The following TMEM134 variants were observed in gnomAD, a reference collection of about 807,000 sequenced individuals.
TMEM134 encodes transmembrane protein 134.
In TMEM134, 36 loss-of-function variants were observed where a neutral mutation model predicts 26.2. The observed-to-expected ratio is 1.37, with a 90% CI of 1.05 to 1.81. TMEM134 has a LOEUF of 1.81. TMEM134 is among the 40% of genes most tolerant of loss of function. The pLI, the probability that TMEM134 is intolerant of heterozygous loss-of-function variation, is 0.00. For synonymous variants in TMEM134, 133 were observed against 113.6 expected (o/e 1.17, Z -1.08); for missense variants, 339 against 263.5 (o/e 1.29, Z -1.98).
In TMEM134 at chr11:67,467,554, C is replaced by A. The variant is rs1292666152; in HGVS notation, c.276G>T (p.Trp92Cys). 31 of 1,614,018 alleles carry A rather than the reference C, an allele frequency of 1.9e-5. No homozygotes were observed. Among genetic ancestry groups the A allele is most frequent in the Non-Finnish European group, 2.6e-5 (31 of 1,180,004 alleles). Residue 92 changes from tryptophan to cysteine, a missense_variant, in exon 3 of 7, where the codon TGG (tryptophan) becomes TGT (cysteine). Coordinates refer to ENST00000308022, the MANE Select transcript of TMEM134 (RefSeq NM_025124.4). ...TGCTGCTGCTGATGGTGCTGAAGGACCACTGGGAGCTGCGGATGGAAGTTC... is the reference window on the plus strand; with the variant it reads ...TGCTGCTGCTGATGGTGCTGAAGGAACACTGGGAGCTGCGGATGGAAGTTC... ...SSRTSIRSSQ[W>C]SFSTISSSTQ...
chr11:67,466,545 C>G (rs1483184840), intron 4 of TMEM134: 2 of 153,094 alleles, frequency 1.3e-5, no homozygotes, highest in African/African-American at 4.8e-5. Flanking sequence ...GCCCCCTCCC[C>G]CACACTCAAA....
chr11:67,462,856 TAA>T lies in TMEM134; in HGVS notation c.*1756_*1757del, dbSNP rs1187273212. ...CTACAGGCGCCCCACCATGCCTGGC[TAA>T]GTTTTTGTATTTTTTGTAGAGATGG... On this transcript the variant is annotated 3_prime_UTR_variant, in exon 7 of 7. Transcript: ENST00000308022. The T allele has an allele frequency of 1.3e-5, 2 of 151,844 alleles. No homozygotes were observed. The highest frequency in any genetic ancestry group is 2.4e-5 in the African/African-American group (1 of 41,302). The allele number at this position is 151,844 out of a possible 1,614,324, so 9.4% of individuals were successfully genotyped here.
In TMEM134 at chr11:67,467,339, A is replaced by C. The variant is rs143314931; in HGVS notation, c.379T>G (p.Ser127Ala). Residue 127 changes from serine (S) to alanine (A), a missense_variant, in exon 4 of 7, where the codon TCC becomes GCC. Physicochemically the swap from Ser to Ala is moderately conservative, Grantham distance 99. Coordinates refer to ENST00000308022, the MANE Select transcript of TMEM134 (RefSeq NM_025124.4). ...AGCCCCAGCAGCAGGAGCAGGAAGGAGGCCAGCACCACTCGGCGGTTCTTC... is the reference window on the plus strand; with the variant it reads ...AGCCCCAGCAGCAGGAGCAGGAAGGCGGCCAGCACCACTCGGCGGTTCTTC... Reference protein sequence around the residue: ...IQKNRRVVLASFLLLLLGLVL... With the variant: ...IQKNRRVVLAAFLLLLLGLVL... 6 of 1,613,762 alleles carry C rather than the reference A, an allele frequency of 3.7e-6. No individual in the cohort carries two copies. The highest frequency in any genetic ancestry group is 5.1e-6 in the Non-Finnish European group (6 of 1,179,898).
Position 67,469,182 on chromosome 11 carries a change from G to T in TMEM134, c.11C>A (p.Ala4Asp). 5.2e-6 allele frequency: 7 copies of T among 1,348,830 alleles called. No homozygotes were observed. Among genetic ancestry groups the T allele is most frequent in the Non-Finnish European group, 5.8e-6 (6 of 1,041,378 alleles). The allele number at this position is 1,348,830 out of a possible 1,614,324, so 83.6% of individuals were successfully genotyped here. ...ATCATCAATGCTGAACTGGGGCCGG[G>T]CGGCGCTCATGGCCCCGGCCCGCTC... MSA[A>D]RPQFSIDDAF... The change falls in exon 1 of 7, where the codon GCC (alanine) becomes GAC (aspartate). Residue 4 changes from alanine to aspartate, a missense_variant. Coordinates refer to ENST00000308022, the MANE Select transcript of TMEM134 (RefSeq NM_025124.4).
At position 67,463,370 on chromosome 11, in the gene TMEM134, G is replaced by A. The variant is rs1478083402; in HGVS notation, c.*1244C>T. ...CGGTAGGGGAGACCAGCTCAGTGCC[G>A]GTTTCCTTCTCCCTCCCCGACAGTG... On this transcript the variant is annotated 3_prime_UTR_variant, in exon 7 of 7. Transcript: ENST00000308022. 1 of 152,108 alleles carries A rather than the reference G, an allele frequency of 6.6e-6. No individual in the cohort carries two copies. Among genetic ancestry groups the A allele is most frequent in the Non-Finnish European group, 1.5e-5 (1 of 68,034 alleles). 9.4% of individuals were successfully genotyped at this position (152,108 alleles called of 1,614,324 possible). A position where few individuals can be genotyped will look rare whatever the true frequency, so the allele number is the denominator to read the frequency against.
At position 67,467,976 on chromosome 11, in the gene TMEM134, G is replaced by A. The variant is rs748860881; in HGVS notation, c.239+52C>T. The A allele has an allele frequency of 1.3e-5, 19 of 1,514,626 alleles. No individual in the cohort carries two copies. The Admixed American group carries it at 2.0e-4, about 16-fold the overall frequency. The allele number at this position is 1,514,626 out of a possible 1,614,324, so 93.8% of individuals were successfully genotyped here. On this transcript the variant is annotated intron_variant, in intron 2 of 6. Coordinates refer to ENST00000308022, the MANE Select transcript of TMEM134 (RefSeq NM_025124.4). ...GGTGGGTGACTGAGCAGGGTCCCTG[G>A]GGATAGGAGCTGGGGCTGGGGTACA...
At chr11:67,467,880 A>G (rs3741168) in intron 2 of TMEM134, 148 bp downstream of exon 2, 340,792 of 771,174 alleles carry the variant, frequency 0.44, 81,778 homozygotes, top group African/African-American at 0.81. Context: ...ACAGTGTAGG[A>G]GACCCTGTGA....
At chr11:67,464,905 A>G (rs1407887470) in intron 5 of TMEM134, 49 bp from the exon 6 acceptor site, 4 of 1,601,406 alleles carry the variant, frequency 2.5e-6, no homozygotes, top group African/African-American at 2.7e-5. Context: ...GGAGGCTTCG[A>G]GGCCTTCCGG....
At position 67,464,074 on chromosome 11, in the gene TMEM134, C is replaced by A. The variant is rs980209974; in HGVS notation, c.*540G>T. 1.2e-5 allele frequency: 2 copies of A among 168,278 alleles called. No homozygotes were observed. Among genetic ancestry groups the A allele is most frequent in the Non-Finnish European group, 1.3e-5 (1 of 76,616 alleles). 10.4% of individuals were successfully genotyped at this position (168,278 alleles called of 1,614,324 possible). A position where few individuals can be genotyped will look rare whatever the true frequency, so the allele number is the denominator to read the frequency against. ...GGCCTGCGTCATCTCTGCGTGCCCT[C>A]GGCCAGGGCCACCAGACAGAGACGG... On this transcript the variant is annotated 3_prime_UTR_variant, in exon 7 of 7. Coordinates refer to ENST00000308022, the MANE Select transcript of TMEM134 (RefSeq NM_025124.4).
rs1253601172 is a variant in TMEM134 at position 67,469,188 on chromosome 11, C to T, written c.5G>A (p.Ser2Asn). The change falls in exon 1 of 7, where the codon AGC (serine) becomes AAC (asparagine). Residue 2 changes from serine to asparagine, a missense_variant. Ser to Asn is a conservative substitution (Grantham distance 46). Coordinates refer to ENST00000308022, the MANE Select transcript of TMEM134 (RefSeq NM_025124.4). M[S>N]AARPQFSIDD... ...AATGCTGAACTGGGGCCGGGCGGCG[C>T]TCATGGCCCCGGCCCGCTCAGGCGC... is the stretch of plus-strand genomic sequence containing the variant. 1.1e-5 allele frequency: 15 copies of T among 1,336,856 alleles called. No individual in the cohort carries two copies. Among genetic ancestry groups the T allele is most frequent in the South Asian group, 1.8e-5 (1 of 55,878 alleles). The allele number at this position is 1,336,856 out of a possible 1,614,324, so 82.8% of individuals were successfully genotyped here. A position where few individuals can be genotyped will look rare whatever the true frequency, so the allele number is the denominator to read the frequency against.
intron 6 of TMEM134, 34 bp from the exon 7 acceptor site, chr11:67,464,730 G>A (rs1056743996): frequency 2.0e-6 from 3 of 1,498,762 alleles, no homozygotes; most frequent in Admixed American, 4.0e-5. Flanking sequence ...CAGAAGCCCC[G>A]CCCCTCCCCG....
rs756767235 is a variant in TMEM134, at chr11:67,465,050, G to C, written c.451+6C>G. On this transcript the variant is annotated splice_donor_region_variant and intron_variant, in intron 5 of 6. Transcript: ENST00000308022. ...CTCTGCCTGTGGGGGCGGGAGGGTC[G>C]CTCACCTGGAGAGGGGGTCGCCTCC... 1.9e-6 allele frequency: 3 copies of C among 1,575,034 alleles called. No homozygotes were observed. The highest frequency in any genetic ancestry group is 2.6e-6 in the Non-Finnish European group (3 of 1,164,706).
chr11:67,468,116 G>C (rs770333851), intron 1 of TMEM134, 24 bp from the exon 2 acceptor site: 13 of 1,552,192 alleles, frequency 8.4e-6, no homozygotes, highest in Middle Eastern at 1.7e-4. Flanking sequence ...CAGGTCTCAG[G>C]GGGGTTGCTG....
At chr11:67,467,907 G>T in intron 2 of TMEM134, 121 bp downstream of exon 2, 1 of 962,038 alleles carries the variant, frequency 1.0e-6, no homozygotes. Flanking sequence ...TGAGGGTCAG[G>T]CTAGGAATCA....
chr11:67,467,515 G>A lies in TMEM134; in HGVS notation c.315C>T (p.Tyr105=), dbSNP rs767595045. 7 of 1,613,954 alleles carry A rather than the reference G, an allele frequency of 4.3e-6. No individual in the cohort carries two copies. Among genetic ancestry groups the A allele is most frequent in the Non-Finnish European group, 4.2e-6 (5 of 1,180,032 alleles). ...STISSSTQRS[Y]NTCCSWTQHP... The stretch of plus-strand genomic sequence containing the variant: ...GGCAGGCTCACCTGCAGCAGGTGTT[G>A]TAGGAGCGCTGGGTGCTGCTGCTGA... The change falls in exon 3 of 7, where the codon TAC becomes TAT. Residue 105 remains tyrosine (Y), a synonymous_variant. Transcript: ENST00000308022.
rs1014120003 is a variant in TMEM134, at chr11:67,463,007, A to C, written c.*1607T>G. 2.0e-5 allele frequency: 3 copies of C among 152,112 alleles called. No individual in the cohort carries two copies. Among genetic ancestry groups the C allele is most frequent in the African/African-American group, 7.2e-5 (3 of 41,406 alleles). 9.4% of individuals were successfully genotyped at this position (152,112 alleles called of 1,614,324 possible). ...GGCACCCGGCTAGTTCTTCTTATGAAAGTACTGGACCGTGATGGATTAGAA... is the reference window on the plus strand; with the variant it reads ...GGCACCCGGCTAGTTCTTCTTATGACAGTACTGGACCGTGATGGATTAGAA... On this transcript the variant is annotated 3_prime_UTR_variant, in exon 7 of 7. Transcript: ENST00000308022.
chr11:67,468,068 C>T lies in TMEM134; in HGVS notation c.199G>A (p.Ala67Thr), dbSNP rs756537578. Residue 67 changes from alanine to threonine, a missense_variant, in exon 2 of 7, where the codon GCC becomes ACC. By Grantham distance (58) the Ala-to-Thr change is moderately conservative. Coordinates refer to ENST00000308022, the MANE Select transcript of TMEM134 (RefSeq NM_025124.4). ...CCATCCGGCTCCGGAGAGGCCTGGG[C>T]TCCATCCTCATCGTTCTCCAGGTTC... ...YQNLENDEDG[A>T]QASPEPDGGV... The T allele has an allele frequency of 6.4e-7, 1 of 1,564,288 alleles. No individual in the cohort carries two copies. The highest frequency in any genetic ancestry group is 8.7e-7 in the Non-Finnish European group (1 of 1,153,958).
Position 67,469,201 on chromosome 11 carries a change from C to G in TMEM134, c.-9G>C, listed in dbSNP as rs1464875722. ...GGCCGGGCGGCGCTCATGGCCCCGG[C>G]CCGCTCAGGCGCCGTGCGCCGCCGC... On this transcript the variant is annotated 5_prime_UTR_variant, in exon 1 of 7. Transcript: ENST00000308022. The G allele has an allele frequency of 6.7e-5, 87 of 1,289,594 alleles. No homozygotes were observed. The highest frequency in any genetic ancestry group is 8.5e-5 in the Non-Finnish European group (86 of 1,013,628). The allele number at this position is 1,289,594 out of a possible 1,614,324, so 79.9% of individuals were successfully genotyped here.
rs1308861461 is a variant in TMEM134, at chr11:67,467,317, C to A, written c.401G>T (p.Gly134Val). ...VLASFLLLLL[G>V]LVLILVGVGL... ...CAACCCTCAGGGCCACTCACCCAGC[C>A]CCAGCAGCAGGAGCAGGAAGGAGGC... The change falls in exon 4 of 7, where the codon GGG becomes GTG. Residue 134 changes from glycine to valine, a missense_variant. Physicochemically the swap from Gly to Val is moderately radical, Grantham distance 109 (BLOSUM62 -3). Transcript: ENST00000308022. 6.2e-7 allele frequency: 1 copy of A among 1,613,752 alleles called. No individual in the cohort carries two copies. The highest frequency in any genetic ancestry group is 2.2e-5 in the East Asian group (1 of 44,892).
Sources: gnomAD v4.1 joint callset for allele counts on GRCh38, gnomAD v4.1.1 for gene constraint, MANE v1.5 for transcripts, NCBI Gene and HGNC (gene_info 2026-07-23, HGNC 2026-07-21) for gene names.